ARHGAP10: variants seen among roughly 807,000 people sequenced by gnomAD.
ARHGAP10 encodes Rho GTPase activating protein 10, also known as rho GTPase-activating protein 10.
In ARHGAP10, 87 loss-of-function variants were observed where a neutral mutation model predicts 108.6. The ratio of observed to expected loss-of-function variants is 0.80; its 90% CI spans 0.67 to 0.96. The LOEUF (loss-of-function observed/expected upper bound fraction) is 0.96. ARHGAP10 is among the 40% of genes least tolerant of loss of function. ARHGAP10 has a pLI of 0.00. For missense variants in ARHGAP10, 939 were observed against 954.5 expected, an observed-to-expected ratio of 0.98 and a Z score of 0.21; for synonymous variants, 347 against 341.1, an observed-to-expected ratio of 1.02 and a Z score of -0.19.
chr4:147,991,078 C>A (rs1740254952), intron 18 of ARHGAP10, among the ~76,000 whole-genome samples: 1 of 151,170 alleles, frequency 6.6e-6, no homozygotes, highest in Admixed American at 6.6e-5. Flanking sequence ...ACAAAATAAC[C>A]TTTACACCAA....
chr4:147,943,363 G>A lies in ARHGAP10; in HGVS notation c.1304-3254G>A, dbSNP rs374954278. 7.9e-5 allele frequency among the ~76,000 whole-genome samples: 12 copies of A among 152,316 alleles called. No individual in the cohort carries two copies. The East Asian group carries it at 1.9e-3, about 25-fold the overall frequency. Reference sequence around the variant, plus strand: ...AACCATTACCTTGTTTCCTTTGTAGGACAGCTTTGTTGCATAGATTGGGGA... The same window carrying A: ...AACCATTACCTTGTTTCCTTTGTAGAACAGCTTTGTTGCATAGATTGGGGA... On this transcript the variant is annotated intron_variant, in intron 14 of 22. Coordinates refer to ENST00000336498, the MANE Select transcript of ARHGAP10 (RefSeq NM_024605.4).
chr4:147,861,926 A>T (rs914829037), intron 5 of ARHGAP10: 1 of 152,252 alleles, frequency 6.6e-6, no homozygotes, highest in Admixed American at 6.5e-5. Flanking sequence ...GACTCCACCT[A>T]GAACTGGCAG....
At chr4:147,963,274 C>G (rs1417018665) in intron 16 of ARHGAP10, among the ~76,000 whole-genome samples, 1 of 152,150 alleles carries the variant, frequency 6.6e-6, no homozygotes, top group Non-Finnish European at 1.5e-5. Flanking sequence ...GGAATGTTCC[C>G]CTTGCCCCTC....
chr4:147,766,821 TATATATATATATATA>T (rs1560746944), intron 1 of ARHGAP10, among the ~76,000 whole-genome samples: 773 of 14,344 alleles, frequency 0.054, 9 homozygotes, highest in Middle Eastern at 0.17. Flanking sequence ...TATATATATA[TATATATATATATATA>T]TATTTATTTA....
At chr4:148,025,227 T>A (rs1741719885) in intron 19 of ARHGAP10, among the ~76,000 whole-genome samples, 1 of 152,206 alleles carries the variant, frequency 6.6e-6, no homozygotes, top group African/African-American at 2.4e-5. Context: ...ATTACTTGAT[T>A]TTTAAGGGAA....
At chr4:148,014,009 G>T (rs1741259494) in intron 18 of ARHGAP10, among the ~76,000 whole-genome samples, 3 of 152,208 alleles carry the variant, frequency 2.0e-5, no homozygotes, top group South Asian at 4.2e-4. Flanking sequence ...AAGGCTTGAG[G>T]CTCTGAAAGA....
chr4:147,903,603 C>T (rs1736338627), intron 10 of ARHGAP10, among the ~76,000 whole-genome samples: 1 of 152,190 alleles, frequency 6.6e-6, no homozygotes, highest in Non-Finnish European at 1.5e-5. Context: ...ATCTTGTGCT[C>T]CACCTGTTCA....
At chr4:147,903,934 C>G (rs939535346) in intron 10 of ARHGAP10, among the ~76,000 whole-genome samples, 1 of 152,160 alleles carries the variant, frequency 6.6e-6, no homozygotes, top group African/African-American at 2.4e-5. Context: ...CATCCATGTG[C>G]AGGTTCTTGT....
In ARHGAP10 at chr4:147,903,467, A is replaced by G. The variant is rs761656315; in HGVS notation, c.1035-3171A>G. Among the ~76,000 whole-genome samples the G allele has an allele frequency of 1.4e-4, 22 of 152,168 alleles. 1 individual carries two copies. Among genetic ancestry groups the G allele is most frequent in the Admixed American group, 1.3e-3 (20 of 15,280 alleles). Reference sequence around the variant, plus strand: ...GTGGAACCTACCTTGACATATCATAATCACCCAAAATTCATAGTTTACATT... The same window carrying G: ...GTGGAACCTACCTTGACATATCATAGTCACCCAAAATTCATAGTTTACATT... On this transcript the variant is annotated intron_variant, in intron 10 of 22. Transcript: ENST00000336498.
At chr4:147,880,897 A>C (rs975127875) in intron 9 of ARHGAP10, among the ~76,000 whole-genome samples, 26 of 17,034 alleles carry the variant, frequency 1.5e-3, no homozygotes, top group African/African-American at 6.2e-3. Flanking sequence ...GTAAGAAATA[A>C]ATTTTTACAC....
intron 18 of ARHGAP10, among the ~76,000 whole-genome samples, chr4:148,016,999 A>C (rs1381723664): frequency 6.6e-6 from 1 of 151,698 alleles, no homozygotes; most frequent in Non-Finnish European, 1.5e-5. Context: ...AAAAAAAAAA[A>C]AAAAAACCAG....
intron 18 of ARHGAP10, among the ~76,000 whole-genome samples, chr4:147,979,324 G>GT (rs1353724684): frequency 1.3e-5 from 2 of 152,190 alleles, no homozygotes; most frequent in African/African-American, 2.4e-5. Context: ...TTTCCCCCTT[G>GT]TTTTTTGTCA....
intron 16 of ARHGAP10, among the ~76,000 whole-genome samples, chr4:147,961,621 T>G (rs750727104): frequency 6.6e-6 from 1 of 150,666 alleles, no homozygotes; most frequent in African/African-American, 2.4e-5. Context: ...CATTCTCTTG[T>G]TTTTTTTTGC....
chr4:147,751,368 G>GTT (rs1379231652), intron 1 of ARHGAP10, among the ~76,000 whole-genome samples: 28 of 142,184 alleles, frequency 2.0e-4, no homozygotes, highest in African/African-American at 4.6e-4. Context: ...AATAGTTGTT[G>GTT]TTTTTTTTTT....
chr4:147,757,991 C>T (rs1729449045), intron 1 of ARHGAP10, among the ~76,000 whole-genome samples: 1 of 152,150 alleles, frequency 6.6e-6, no homozygotes, highest in Non-Finnish European at 1.5e-5. Context: ...TTGCTTTGTG[C>T]ACCCCTATTG....
chr4:148,057,578 T>C (rs553609307), intron 20 of ARHGAP10, among the ~76,000 whole-genome samples: 1 of 152,322 alleles, frequency 6.6e-6, no homozygotes, highest in African/African-American at 2.4e-5. Context: ...CAGTTGTGCC[T>C]CACATGAGCC....
intron 20 of ARHGAP10, among the ~76,000 whole-genome samples, chr4:148,062,270 C>T (rs1033187019): frequency 6.6e-6 from 1 of 152,136 alleles, no homozygotes. Context: ...GCAGGGGAAA[C>T]AATCTGAGAG....
In ARHGAP10 at chr4:147,971,050, G is replaced by A. The variant is rs759529004; in HGVS notation, c.1716+4211G>A. The stretch of plus-strand genomic sequence containing the variant: ...GGAGGTTGCAGTGAGCTGAGATTGC[G>A]CCACTGCACACCAGCCTGGGTGACA... On this transcript the variant is annotated intron_variant, in intron 18 of 22. Transcript: ENST00000336498. Among the ~76,000 whole-genome samples the A allele has an allele frequency of 4.3e-5, 6 of 140,444 alleles. No individual in the cohort carries two copies. The East Asian group carries it at 1.3e-3, about 29-fold the overall frequency. 92.1% of individuals were successfully genotyped at this position (140,444 alleles called of 152,430 possible). A position where few individuals can be genotyped will look rare whatever the true frequency, so the allele number is the denominator to read the frequency against.
chr4:147,752,975 G>A (rs1329099382), intron 1 of ARHGAP10, among the ~76,000 whole-genome samples: 1 of 152,152 alleles, frequency 6.6e-6, no homozygotes, highest in South Asian at 2.1e-4. Context: ...TATTCTCAAT[G>A]TATTTAATCT....
Sources: gnomAD v4.1 joint callset for allele counts (sites outside exome capture counted in the v4.1 genomes callset) on GRCh38, gnomAD v4.1.1 for gene constraint, MANE v1.5 for transcripts, NCBI Gene and HGNC (gene_info 2026-07-23, HGNC 2026-07-21) for gene names.